The following SLC10A7 variants were observed in gnomAD, a reference collection of about 807,000 sequenced individuals.
SLC10A7 encodes solute carrier family 10 member 7, also known as sodium/bile acid cotransporter 7.
In SLC10A7, 29 loss-of-function variants were observed where a neutral mutation model predicts 43.2. The ratio of observed to expected loss-of-function variants is 0.67; its 90% confidence interval spans 0.50 to 0.92. SLC10A7 has a LOEUF of 0.92. SLC10A7 is among the 40% of genes least tolerant of loss of function. The pLI is 0.00. For missense variants in SLC10A7, 295 were observed against 403.2 expected, an observed-to-expected ratio of 0.73 and a Z score of 2.30; for synonymous variants, 152 against 144.8, an observed-to-expected ratio of 1.05 and a Z score of -0.35.
chr4:146,349,973 C>A (rs2200474), intron 5 of SLC10A7, among the ~76,000 whole-genome samples: 167 of 151,956 alleles, frequency 1.1e-3, no homozygotes, highest in African/African-American at 3.9e-3. Context: ...CATGTACCCC[C>A]ACAAATCTAA....
chr4:146,484,182 T>A lies in SLC10A7; in HGVS notation c.396+19667A>T, dbSNP rs547579175. On this transcript the variant is annotated intron_variant, in intron 4 of 11. Coordinates refer to ENST00000335472, the MANE Select transcript of SLC10A7 (RefSeq NM_001029998.6). ...TCTTGGGCAACATAGTGATACCTTG[T>A]CTCTACAAAAATATTTTCTAAGGTA... 2.0e-4 allele frequency among the ~76,000 whole-genome samples: 30 copies of A among 152,244 alleles called. 1 individual carries two copies. The highest frequency in any genetic ancestry group is 3.4e-3 in the Middle Eastern group (1 of 294).
At chr4:146,288,821 A>G (rs1730209384) in intron 9 of SLC10A7, among the ~76,000 whole-genome samples, 1 of 152,096 alleles carries the variant, frequency 6.6e-6, no homozygotes, top group Non-Finnish European at 1.5e-5. Flanking sequence ...TCCTGTTTTT[A>G]ATGATTCTTT....
chr4:146,333,066 T>C (rs929455742), intron 5 of SLC10A7, among the ~76,000 whole-genome samples: 3 of 152,138 alleles, frequency 2.0e-5, no homozygotes, highest in Non-Finnish European at 2.9e-5. Context: ...GAATATATGG[T>C]TTATGTCATA....
intron 5 of SLC10A7, among the ~76,000 whole-genome samples, chr4:146,439,071 AGAG>A (rs1730415611): frequency 6.6e-6 from 1 of 152,076 alleles, no homozygotes; most frequent in Non-Finnish European, 1.5e-5. Context: ...AATTTAAATG[AGAG>A]GAGGAGATAA....
At chr4:146,349,018 T>A (rs1324124974) in intron 5 of SLC10A7, among the ~76,000 whole-genome samples, 1 of 152,230 alleles carries the variant, frequency 6.6e-6, no homozygotes, top group Non-Finnish European at 1.5e-5. Context: ...CATAATTTGC[T>A]GATCATTCAC....
intron 4 of SLC10A7, among the ~76,000 whole-genome samples, chr4:146,449,005 C>A (rs1731348253): frequency 1.3e-5 from 2 of 152,164 alleles, no homozygotes; most frequent in South Asian, 4.1e-4. Context: ...AGGGTGATAT[C>A]TACAAATGAA....
intron 4 of SLC10A7, chr4:146,478,050 T>C (rs886782875): frequency 6.6e-6 from 1 of 152,168 alleles, no homozygotes; most frequent in African/African-American, 2.4e-5. Flanking sequence ...CTCACTAAAA[T>C]TTAAGGTTAT....
At chr4:146,394,773 A>C (rs1296304014) in intron 5 of SLC10A7, among the ~76,000 whole-genome samples, 3 of 152,202 alleles carry the variant, frequency 2.0e-5, no homozygotes, top group Admixed American at 1.3e-4. Context: ...AATATGGAAG[A>C]CATTGGAAAA....
chr4:146,483,415 T>C (rs1326332695), intron 4 of SLC10A7, among the ~76,000 whole-genome samples: 3 of 150,876 alleles, frequency 2.0e-5, no homozygotes, highest in Non-Finnish European at 4.4e-5. Flanking sequence ...GTTTATAAGA[T>C]GTTTTATCTA....
intron 5 of SLC10A7, among the ~76,000 whole-genome samples, chr4:146,347,974 A>G (rs903316133): frequency 2.0e-5 from 3 of 152,342 alleles, no homozygotes; most frequent in Non-Finnish European, 4.4e-5. Context: ...GAAACCAGAA[A>G]TATAACTAAG....
intron 5 of SLC10A7, among the ~76,000 whole-genome samples, chr4:146,348,225 A>C (rs1364395675): frequency 6.6e-6 from 1 of 152,178 alleles, no homozygotes; most frequent in Non-Finnish European, 1.5e-5. Flanking sequence ...GAGAGTTTTC[A>C]TTCTAAATGA....
chr4:146,439,189 C>T (rs1730422261), intron 5 of SLC10A7, among the ~76,000 whole-genome samples: 1 of 151,880 alleles, frequency 6.6e-6, no homozygotes, highest in South Asian at 2.1e-4. Flanking sequence ...TTAGTTATTA[C>T]CAGCCTAGAT....
chr4:146,342,402 T>G (rs140050332), intron 5 of SLC10A7, among the ~76,000 whole-genome samples: 3,320 of 151,788 alleles, frequency 0.022, 115 homozygotes, highest in African/African-American at 0.076. Flanking sequence ...AAAAAATTAC[T>G]TTTAATTTAT....
intron 10 of SLC10A7, among the ~76,000 whole-genome samples, chr4:146,261,421 C>CT (rs1728213336): frequency 6.7e-6 from 1 of 149,086 alleles, no homozygotes; most frequent in African/African-American, 2.4e-5. Context: ...CTTCCCTTTG[C>CT]CCCCCCAGCT....
intron 5 of SLC10A7, among the ~76,000 whole-genome samples, chr4:146,435,659 A>G (rs918943970): frequency 6.6e-6 from 1 of 152,194 alleles, no homozygotes; most frequent in Admixed American, 6.5e-5. Flanking sequence ...AGGAAAAAGA[A>G]ACAAAGAAAT....
chr4:146,277,820 T>C (rs1031414004), intron 10 of SLC10A7, among the ~76,000 whole-genome samples: 3 of 126,024 alleles, frequency 2.4e-5, no homozygotes, highest in African/African-American at 9.9e-5. Flanking sequence ...TCACTAGATC[T>C]ACTTTAAATA....
intron 10 of SLC10A7, among the ~76,000 whole-genome samples, chr4:146,280,596 A>G (rs1285933552): frequency 1.3e-5 from 2 of 152,220 alleles, no homozygotes; most frequent in Non-Finnish European, 1.5e-5. Flanking sequence ...GGTCACTGTC[A>G]TGGCCTATCC....
At chr4:146,467,156 T>C (rs1733102230) in intron 4 of SLC10A7, among the ~76,000 whole-genome samples, 1 of 152,194 alleles carries the variant, frequency 6.6e-6, no homozygotes, top group East Asian at 1.9e-4. Context: ...TATTAATCTA[T>C]GCTGTTTCCT....
chr4:146,420,438 C>G (rs182357875), intron 5 of SLC10A7, among the ~76,000 whole-genome samples: 1 of 152,154 alleles, frequency 6.6e-6, no homozygotes, highest in African/African-American at 2.4e-5. Flanking sequence ...GTAAAAACCA[C>G]CATTATAGTG....
Sources: gnomAD v4.1 joint callset for allele counts (sites outside exome capture counted in the v4.1 genomes callset) on GRCh38, gnomAD v4.1.1 for gene constraint, MANE v1.5 for transcripts, NCBI Gene and HGNC (gene_info 2026-07-23, HGNC 2026-07-21) for gene names.